Variants in RAB2B observed in about 807,000 individuals in gnomAD.
RAB2B encodes the protein ras-related protein Rab-2B.
Under a neutral mutation model 29.8 loss-of-function variants are expected in RAB2B, and 20 were observed. The ratio of observed to expected loss-of-function variants is 0.67; its 90% confidence interval spans 0.47 to 0.97. RAB2B has a LOEUF of 0.97. Ranked by LOEUF, RAB2B falls within the 50% of genes least tolerant of loss-of-function variation. RAB2B has a pLI of 0.00. For synonymous variants in RAB2B, 93 were observed against 91.7 expected (o/e 1.01, Z -0.08); for missense variants, 218 against 272.0 (o/e 0.80, Z 1.40).
chr14:21,475,356 ATATT>A (rs1890922474), intron 2 of RAB2B, among the ~76,000 whole-genome samples: 1 of 151,920 alleles, frequency 6.6e-6, no homozygotes, highest in South Asian at 2.1e-4. Flanking sequence ...ACTTAAAACA[ATATT>A]TATTTTTTTG....
At position 21,459,186 on chromosome 14, in the gene RAB2B, C is replaced by G. The variant is rs147234830; in HGVS notation, c.*2010G>C. 16 of 152,272 alleles carry G rather than the reference C, an allele frequency of 1.1e-4. No homozygotes were observed. In the East Asian group the frequency reaches 2.7e-3, roughly 26 times the overall value. The allele number at this position is 152,272 out of a possible 1,614,324, so 9.4% of individuals were successfully genotyped here. The stretch of plus-strand genomic sequence containing the variant: ...GGCTGCATGATGAGTGAAGCAAAGG[C>G]AAGTTTGGCTAAGATAGTATTATAT... On this transcript the variant is annotated 3_prime_UTR_variant, in exon 8 of 8. Coordinates refer to ENST00000397762, the MANE Select transcript of RAB2B (RefSeq NM_032846.4).
At chr14:21,465,416 A>G (rs967453534) in intron 5 of RAB2B, among the ~76,000 whole-genome samples, 1 of 152,238 alleles carries the variant, frequency 6.6e-6, no homozygotes. Flanking sequence ...CCAAAGTGTT[A>G]TTATTGATAC....
rs1007339612 is a variant in RAB2B, at chr14:21,459,793, A to G, written c.*1403T>C. The G allele has an allele frequency of 2.7e-5, 5 of 187,820 alleles. No homozygotes were observed. Among genetic ancestry groups the G allele is most frequent in the African/African-American group, 1.2e-4 (5 of 42,506 alleles). The allele number at this position is 187,820 out of a possible 1,614,324, so 11.6% of individuals were successfully genotyped here. Reference sequence around the variant, plus strand: ...TGGAGAGTAGGGCATGTGCAAAGGTATGGAACTAGGAATAAATATGTCACA... The same window carrying G: ...TGGAGAGTAGGGCATGTGCAAAGGTGTGGAACTAGGAATAAATATGTCACA... On this transcript the variant is annotated 3_prime_UTR_variant, in exon 8 of 8. Coordinates refer to ENST00000397762, the MANE Select transcript of RAB2B (RefSeq NM_032846.4).
chr14:21,467,716 G>C (rs1279962484), intron 5 of RAB2B, among the ~76,000 whole-genome samples: 5 of 152,092 alleles, frequency 3.3e-5, no homozygotes, highest in Non-Finnish European at 7.3e-5. Context: ...CCACTTCTGG[G>C]CATATACCCA....
chr14:21,471,806 G>C (rs1457656972), intron 3 of RAB2B, among the ~76,000 whole-genome samples: 1 of 151,540 alleles, frequency 6.6e-6, no homozygotes, highest in Non-Finnish European at 1.5e-5. Flanking sequence ...CTCCCCAGTA[G>C]CTGGCATTAC....
chr14:21,475,836 GA>G (rs1890942434), intron 2 of RAB2B, among the ~76,000 whole-genome samples: 1 of 152,212 alleles, frequency 6.6e-6, no homozygotes. Context: ...GTGGGACTTG[GA>G]AGTAGCAATA....
chr14:21,464,912 A>G (rs1890651552), intron 5 of RAB2B, among the ~76,000 whole-genome samples: 1 of 151,998 alleles, frequency 6.6e-6, no homozygotes, highest in Non-Finnish European at 1.5e-5. Flanking sequence ...CTGAGGTGAG[A>G]GGATCTCTTG....
At chr14:21,475,117 C>A (rs1890915275) in intron 2 of RAB2B, among the ~76,000 whole-genome samples, 183 bp from the exon 3 acceptor site, 1 of 152,142 alleles carries the variant, frequency 6.6e-6, no homozygotes, top group Non-Finnish European at 1.5e-5. Context: ...CTTCATTTCC[C>A]TTCTAGAATT....
chr14:21,468,050 A>AG (rs1252227484), intron 5 of RAB2B, among the ~76,000 whole-genome samples: 2 of 150,186 alleles, frequency 1.3e-5, no homozygotes, highest in Non-Finnish European at 3.0e-5. Context: ...CTGAGGGATG[A>AG]GGGGGATGGG....
Position 21,474,941 on chromosome 14 carries a change from G to T in RAB2B, c.119-7C>A. The T allele has an allele frequency of 6.2e-7, 1 of 1,613,114 alleles. No homozygotes were observed. Among genetic ancestry groups the T allele is most frequent in the Non-Finnish European group, 8.5e-7 (1 of 1,179,160 alleles). On this transcript the variant is annotated splice_polypyrimidine_tract_variant and splice_region_variant and intron_variant, in intron 2 of 7. Coordinates refer to ENST00000397762, the MANE Select transcript of RAB2B (RefSeq NM_032846.4). ...CGAGCTCCAAACTCCACACCTGTCG[G>T]TAAAGACCGAGAGAAAGAATGTGAT...
Position 21,461,289 on chromosome 14 carries a change from C to A in RAB2B, c.558G>T (p.Lys186Asn), listed in dbSNP as rs1406863303. Reference sequence around the variant, plus strand: ...TTGAAATTGACTGTTGGGGCCCAATCTTGATGCCATTTGCCTGTAAAAGAA... The same window carrying A: ...TTGAAATTGACTGTTGGGGCCCAATATTGATGCCATTTGCCTGTAAAAGAA... ...FDVHNEANGI[K>N]IGPQQSISTS... The change falls in exon 8 of 8, where the codon AAG becomes AAT. Residue 186 changes from lysine (K) to asparagine (N), a missense_variant. Transcript: ENST00000397762. The A allele has an allele frequency of 1.9e-5, 30 of 1,612,874 alleles. No homozygotes were observed. The Admixed American group carries it at 5.0e-4, about 27-fold the overall frequency.
intron 3 of RAB2B, among the ~76,000 whole-genome samples, chr14:21,472,820 T>C (rs1217009271): frequency 6.7e-6 from 1 of 149,386 alleles, no homozygotes; most frequent in East Asian, 1.9e-4. Context: ...ATATGAGTGC[T>C]TAAAAAAAAA....
intron 3 of RAB2B, among the ~76,000 whole-genome samples, chr14:21,471,016 A>T (rs973562285): frequency 5.0e-5 from 2 of 40,318 alleles, no homozygotes; most frequent in African/African-American, 1.4e-4. Flanking sequence ...AAAAAAAAAA[A>T]AAAAAAAATA....
chr14:21,469,176 T>C (rs908580504), intron 3 of RAB2B, among the ~76,000 whole-genome samples: 22 of 152,138 alleles, frequency 1.4e-4, no homozygotes, highest in South Asian at 2.1e-4. Flanking sequence ...AAATATGATA[T>C]TGAACACACC....
At chr14:21,475,068 T>G in intron 2 of RAB2B, 134 bp from the exon 3 acceptor site, 1 of 653,668 alleles carries the variant, frequency 1.5e-6, no homozygotes. Flanking sequence ...CCATTATTGC[T>G]GCCTATTTGC....
chr14:21,471,615 C>CAAAAA (rs71419137), intron 3 of RAB2B, among the ~76,000 whole-genome samples: 1 of 64,326 alleles, frequency 1.6e-5, no homozygotes, highest in Non-Finnish European at 3.0e-5. Flanking sequence ...AAGACCCTGT[C>CAAAAA]AAAAAAAAAA....
intron 3 of RAB2B, among the ~76,000 whole-genome samples, chr14:21,473,369 G>T (rs909107391): frequency 6.6e-6 from 1 of 152,072 alleles, no homozygotes; most frequent in African/African-American, 2.4e-5. Flanking sequence ...GGAGACTAAG[G>T]TATTATTTTA....
chr14:21,473,316 A>C (rs1890865464), intron 3 of RAB2B, among the ~76,000 whole-genome samples: 1 of 152,248 alleles, frequency 6.6e-6, no homozygotes, highest in African/African-American at 2.4e-5. Flanking sequence ...ATTTTAGCCA[A>C]ATATTATTTA....
intron 3 of RAB2B, among the ~76,000 whole-genome samples, chr14:21,471,272 G>A (rs1277798473): frequency 6.6e-6 from 1 of 151,868 alleles, no homozygotes; most frequent in East Asian, 1.9e-4. Flanking sequence ...AGTTCAATTT[G>A]GTCTTGTCTA....
Sources: allele counts gnomAD v4.1 joint callset (sites outside exome capture counted in the v4.1 genomes callset), GRCh38; gene constraint gnomAD v4.1.1; transcripts MANE v1.5; gene names NCBI Gene and HGNC (gene_info 2026-07-23, HGNC 2026-07-21).